Variants in GMDS observed in about 807,000 individuals in gnomAD.
GMDS encodes the protein GDP-mannose 4,6-dehydratase.
In GMDS, 20 loss-of-function variants were observed where a neutral mutation model predicts 49.9. The ratio of observed to expected loss-of-function variants is 0.40; its 90% CI spans 0.28 to 0.58. The LOEUF is 0.58. GMDS is among the 20% of genes least tolerant of loss of function. GMDS has a pLI of 0.42. For missense variants in GMDS, 362 were observed against 481.4 expected (o/e 0.75, Z 2.32); for synonymous variants, 177 against 178.6 (o/e 0.99, Z 0.07).
At chr6:1,709,394 C>T (rs1765865627) in intron 9 of GMDS, among the ~76,000 whole-genome samples, 1 of 152,236 alleles carries the variant, frequency 6.6e-6, no homozygotes, top group Non-Finnish European at 1.5e-5. Context: ...TAGCACACAG[C>T]GTGACCTTGG....
At chr6:1,695,909 T>C (rs1404811681) in intron 9 of GMDS, among the ~76,000 whole-genome samples, 7 of 14,050 alleles carry the variant, frequency 5.0e-4, no homozygotes, top group Non-Finnish European at 8.1e-4. Context: ...CTGTCTTGGT[T>C]TTTTTTTTTT....
At chr6:2,081,998 A>G (rs1772730887) in intron 4 of GMDS, among the ~76,000 whole-genome samples, 1 of 152,204 alleles carries the variant, frequency 6.6e-6, no homozygotes, top group Non-Finnish European at 1.5e-5. Context: ...ACTGCCAAAA[A>G]GTTCAGGCGA....
chr6:2,202,436 T>C (rs1397803590), intron 1 of GMDS, among the ~76,000 whole-genome samples: 1 of 28,794 alleles, frequency 3.5e-5, no homozygotes, highest in Non-Finnish European at 1.1e-4. Flanking sequence ...TTTCTTTCTA[T>C]TTTTTTTTTT....
chr6:1,991,044 G>A (rs1306262401), intron 4 of GMDS, among the ~76,000 whole-genome samples: 2 of 151,932 alleles, frequency 1.3e-5, no homozygotes, highest in East Asian at 3.9e-4. Context: ...TCCCTTTTGG[G>A]TTCTCTACCC....
intron 9 of GMDS, among the ~76,000 whole-genome samples, chr6:1,642,448 C>T (rs564370522): frequency 7.9e-5 from 12 of 152,046 alleles, no homozygotes; most frequent in Admixed American, 2.6e-4. Flanking sequence ...GGATTACAGG[C>T]GTGAGCCACC....
At chr6:1,905,419 T>C (rs1760711471) in intron 7 of GMDS, among the ~76,000 whole-genome samples, 1 of 146,334 alleles carries the variant, frequency 6.8e-6, no homozygotes, top group Non-Finnish European at 1.5e-5. Context: ...AAGGTGCCTG[T>C]GCATCTGCAT....
At chr6:1,643,378 C>T (rs556366050) in intron 9 of GMDS, among the ~76,000 whole-genome samples, 2 of 152,336 alleles carry the variant, frequency 1.3e-5, no homozygotes, top group South Asian at 4.1e-4. Context: ...GCCCACGGGG[C>T]AGCTGAGCCC....
At chr6:1,692,561 C>T (rs901787762) in intron 9 of GMDS, among the ~76,000 whole-genome samples, 3 of 152,196 alleles carry the variant, frequency 2.0e-5, no homozygotes, top group African/African-American at 4.8e-5. Flanking sequence ...GGAAGTTGTC[C>T]TCCAGAACTG....
intron 4 of GMDS, among the ~76,000 whole-genome samples, chr6:2,067,164 A>C (rs1045508069): frequency 2.0e-5 from 3 of 151,580 alleles, no homozygotes; most frequent in African/African-American, 7.3e-5. Flanking sequence ...CTGAATGACT[A>C]CTGGGTACAT....
intron 7 of GMDS, among the ~76,000 whole-genome samples, chr6:1,922,731 G>T (rs567811646): frequency 6.6e-6 from 1 of 152,218 alleles, no homozygotes; most frequent in South Asian, 2.1e-4. Context: ...TTGGAAGAGA[G>T]ATGGCTTGAC....
chr6:1,670,777 T>C (rs185623643), intron 9 of GMDS, among the ~76,000 whole-genome samples: 236 of 152,356 alleles, frequency 1.5e-3, no homozygotes, highest in Middle Eastern at 3.4e-3. Context: ...CTGCATTCCA[T>C]AGTTCCAAAC....
At chr6:1,657,930 G>A (rs1441762084) in intron 9 of GMDS, among the ~76,000 whole-genome samples, 2 of 150,412 alleles carry the variant, frequency 1.3e-5, no homozygotes, top group East Asian at 2.0e-4. Flanking sequence ...TTTTTAAAGT[G>A]AAGTGAGCTC....
chr6:1,936,588 C>T (rs1447438262), intron 6 of GMDS, among the ~76,000 whole-genome samples: 1 of 152,138 alleles, frequency 6.6e-6, no homozygotes, highest in Non-Finnish European at 1.5e-5. Flanking sequence ...TCAAATAAGC[C>T]ACATCTACGT....
chr6:1,671,704 C>T (rs531336064), intron 9 of GMDS, among the ~76,000 whole-genome samples: 4 of 137,656 alleles, frequency 2.9e-5, no homozygotes, highest in African/African-American at 8.1e-5. Flanking sequence ...CTCACTGTGT[C>T]GCCAGGCTGG....
chr6:2,066,161 G>T (rs1771574578), intron 4 of GMDS, among the ~76,000 whole-genome samples: 1 of 151,382 alleles, frequency 6.6e-6, no homozygotes, highest in Admixed American at 6.6e-5. Flanking sequence ...TTCATATCCA[G>T]CCAAACTAAG....
intron 7 of GMDS, among the ~76,000 whole-genome samples, chr6:1,781,553 C>T (rs890323959): frequency 5.3e-5 from 8 of 152,170 alleles, no homozygotes; most frequent in African/African-American, 1.9e-4. Context: ...ACTCTAGGGC[C>T]TACTCCCCTC....
intron 4 of GMDS, among the ~76,000 whole-genome samples, chr6:2,020,978 C>T (rs1198663151): frequency 2.0e-5 from 3 of 152,190 alleles, no homozygotes; most frequent in African/African-American, 7.2e-5. Flanking sequence ...GTAACATCAT[C>T]TTCCTCTAAA....
intron 4 of GMDS, among the ~76,000 whole-genome samples, chr6:2,002,834 A>C (rs1048398496): frequency 7.2e-5 from 11 of 152,188 alleles, no homozygotes; most frequent in Non-Finnish European, 1.3e-4. Context: ...TCCCATACTT[A>C]ATAGAGTATT....
intron 6 of GMDS, among the ~76,000 whole-genome samples, chr6:1,938,954 C>T (rs1406976742): frequency 5.4e-5 from 6 of 111,742 alleles, no homozygotes; most frequent in Non-Finnish European, 1.1e-4. Context: ...TCCCTTCTTT[C>T]CTCCCCTCCC....
Sources: gnomAD v4.1 joint callset for allele counts (sites outside exome capture counted in the v4.1 genomes callset) on GRCh38, gnomAD v4.1.1 for gene constraint, MANE v1.5 for transcripts, NCBI Gene and HGNC (gene_info 2026-07-23, HGNC 2026-07-21) for gene names.